GIPC1: variants seen among roughly 807,000 people sequenced by gnomAD.
GIPC1 encodes GIPC PDZ domain containing family member 1, also known as PDZ domain-containing protein GIPC1.
GIPC1 carries 15 observed loss-of-function variants against 28.5 expected under a neutral mutation model. That is an observed-to-expected ratio of 0.53 (90% confidence interval 0.35 to 0.81). The LOEUF (loss-of-function observed/expected upper bound fraction) is 0.81. Among genes scored for constraint, GIPC1 ranks in the 30% least tolerant of loss-of-function variants. The probability of loss-of-function intolerance (pLI) is 0.01; values close to 1 mark genes in which losing one functional copy is unlikely to be tolerated. For missense variants in GIPC1, 439 were observed against 481.9 expected, an observed-to-expected ratio of 0.91 and a Z score of 0.83; for synonymous variants, 224 against 206.1, an observed-to-expected ratio of 1.09 and a Z score of -0.74.
chr19:14,484,040 C>A (rs1385985165), intron 3 of GIPC1, among the ~76,000 whole-genome samples: 1 of 151,740 alleles, frequency 6.6e-6, no homozygotes, highest in African/African-American at 2.4e-5. Flanking sequence ...TCACTCTGTC[C>A]CCTAGGCTGG....
chr19:14,489,305 C>T, intron 3 of GIPC1: 1 of 748,930 alleles, frequency 1.3e-6, no homozygotes, highest in Non-Finnish European at 2.5e-6. Context: ...ACGCCAGGCA[C>T]AAGATGCTGG....
intron 3 of GIPC1, among the ~76,000 whole-genome samples, chr19:14,486,751 A>G (rs991424268): frequency 9.0e-5 from 11 of 121,986 alleles, no homozygotes; most frequent in African/African-American, 3.5e-4. Context: ...TTGCTCTGTC[A>G]CCCAAGCAGC....
chr19:14,484,671 T>C (rs1344770900), intron 3 of GIPC1, among the ~76,000 whole-genome samples: 2 of 151,880 alleles, frequency 1.3e-5, no homozygotes, highest in African/African-American at 4.8e-5. Context: ...GCCTGAAACC[T>C]GGGAGGCGGA....
At position 14,478,471 on chromosome 19, in the gene GIPC1, T is replaced by C. The variant is rs1443382916; in HGVS notation, c.947A>G (p.Glu316Gly). ...GGCGCCCCAGACGTCAAAGACGAAC[T>C]CGTCAGGGAAGGCAAAGTCACCCAG... is the stretch of plus-strand genomic sequence containing the variant. Reference protein sequence around the residue: ...ERLGDFAFPDEFVFDVWGAIG... With the variant: ...ERLGDFAFPDGFVFDVWGAIG... The change falls in exon 9 of 9, where the codon GAG becomes GGG. Residue 316 changes from glutamate to glycine, a missense_variant. By Grantham distance (98) the Glu-to-Gly change is moderately conservative (BLOSUM62 -2). Coordinates refer to ENST00000393033, the MANE Select transcript of GIPC1 (RefSeq NM_005716.4). This position sits in a 1 kb window ranked among gnomAD's most constrained non-coding sequence, Gnocchi z 5.2. The C allele has an allele frequency of 6.2e-7, 1 of 1,613,372 alleles. No homozygotes were observed. Among genetic ancestry groups the C allele is most frequent in the South Asian group, 1.1e-5 (1 of 91,014 alleles).
chr19:14,479,256 G>C (rs573951530), intron 7 of GIPC1, among the ~76,000 whole-genome samples, 156 bp downstream of exon 7: 2 of 152,168 alleles, frequency 1.3e-5, no homozygotes, highest in African/African-American at 4.8e-5. Flanking sequence ...GGAGGCTGAG[G>C]CAGGAGTATC....
intron 3 of GIPC1, among the ~76,000 whole-genome samples, chr19:14,487,021 C>T (rs991765101): frequency 6.6e-5 from 10 of 151,658 alleles, no homozygotes; most frequent in African/African-American, 2.2e-4. Flanking sequence ...ATTCTGTGCA[C>T]CATTTTAGAT....
At chr19:14,482,592 CAGCTTCAGCATCTGA>C in intron 4 of GIPC1, 82 bp downstream of exon 4, 1 of 1,222,272 alleles carries the variant, frequency 8.2e-7, no homozygotes, top group Non-Finnish European at 1.2e-6. Context: ...TCAGCATCTG[CAGCTTCAGCATCTGA>C]GCCCCAGCTC....
chr19:14,480,772 A>T lies in GIPC1; in HGVS notation c.295T>A (p.Phe99Ile). 6.2e-7 allele frequency: 1 copy of T among 1,610,676 alleles called. No homozygotes were observed. Among genetic ancestry groups the T allele is most frequent in the Non-Finnish European group, 8.5e-7 (1 of 1,177,204 alleles). ...ACTTTGTGGGTGTTCAGGGTGCAGA[A>T]CATCACCTGCAGGGGTGGGAGACGC... Reference protein sequence around the residue: ...AFRLPTAEVMFCTLNTHKVDM... With the variant: ...AFRLPTAEVMICTLNTHKVDM... The change falls in exon 5 of 9, where the codon TTC becomes ATC. Residue 99 changes from phenylalanine to isoleucine, a missense_variant. Coordinates refer to ENST00000393033, the MANE Select transcript of GIPC1 (RefSeq NM_005716.4).
chr19:14,495,640 G>A (rs919263105), intron 1 of GIPC1, among the ~76,000 whole-genome samples: 9 of 152,088 alleles, frequency 5.9e-5, no homozygotes, highest in African/African-American at 2.2e-4. Context: ...TATTCAGACC[G>A]TGGTCCTCAC....
chr19:14,485,700 TATAGAGAGAGAGAG>T (rs1204711568), intron 3 of GIPC1, among the ~76,000 whole-genome samples: 13 of 68,822 alleles, frequency 1.9e-4, no homozygotes, highest in Middle Eastern at 7.8e-3. Context: ...TATATATATA[TATAGAGAGAGAGAG>T]AGAGAGAGAG....
At chr19:14,485,182 T>G (rs1409677998) in intron 3 of GIPC1, among the ~76,000 whole-genome samples, 1 of 151,262 alleles carries the variant, frequency 6.6e-6, no homozygotes, top group Non-Finnish European at 1.5e-5. Context: ...TAAAAATAAA[T>G]AAATAAAAGA....
At chr19:14,481,504 C>T (rs1437218774) in intron 4 of GIPC1, among the ~76,000 whole-genome samples, 9 of 152,072 alleles carry the variant, frequency 5.9e-5, no homozygotes, top group East Asian at 5.8e-4. Context: ...GGGCAGAACA[C>T]GAGGTCAGGA....
chr19:14,484,555 C>T (rs141043911), intron 3 of GIPC1, among the ~76,000 whole-genome samples: 2,559 of 150,656 alleles, frequency 0.017, 67 homozygotes, highest in African/African-American at 0.054. Context: ...ACCAGCCTGG[C>T]CAACATAGTG....
At chr19:14,490,398 C>T (rs538828862) in intron 3 of GIPC1, among the ~76,000 whole-genome samples, 2 of 151,452 alleles carry the variant, frequency 1.3e-5, no homozygotes, top group South Asian at 4.2e-4. Flanking sequence ...ATTAGTTAGG[C>T]CAGGAACGGT....
At chr19:14,486,461 G>A (rs1291919973) in intron 3 of GIPC1, among the ~76,000 whole-genome samples, 2 of 152,124 alleles carry the variant, frequency 1.3e-5, no homozygotes, top group African/African-American at 4.8e-5. Context: ...TCTGGGCTGA[G>A]GCATTTAAGT....
chr19:14,487,691 T>TTTTTTTTTTTTTG (rs2071877550), intron 3 of GIPC1, among the ~76,000 whole-genome samples: 1 of 149,442 alleles, frequency 6.7e-6, no homozygotes. Flanking sequence ...TTTCCTTTTT[T>TTTTTTTTTTTTTG]TTTTTGACAG....
chr19:14,479,642 T>C, intron 6 of GIPC1, 118 bp from the exon 7 acceptor site: 1 of 514,688 alleles, frequency 1.9e-6, no homozygotes, highest in Non-Finnish European at 3.4e-6. Context: ...CTTCTGCAAG[T>C]TTCTGGGGGC....
At chr19:14,485,658 AAAATAAAT>A (rs1233846702) in intron 3 of GIPC1, among the ~76,000 whole-genome samples, 3 of 143,806 alleles carry the variant, frequency 2.1e-5, no homozygotes, top group South Asian at 4.3e-4. Context: ...TCCGTCTCAA[AAAATAAAT>A]AAATAAATAA....
chr19:14,484,050 G>A (rs2071786534), intron 3 of GIPC1, among the ~76,000 whole-genome samples: 2 of 151,438 alleles, frequency 1.3e-5, no homozygotes, highest in Admixed American at 1.3e-4. Flanking sequence ...CCCTAGGCTG[G>A]ATTGCAACGG....
Sources: allele counts gnomAD v4.1 joint callset (sites outside exome capture counted in the v4.1 genomes callset), GRCh38; gene constraint gnomAD v4.1.1; non-coding constraint Gnocchi (gnomAD v3.1); transcripts MANE v1.5; gene names NCBI Gene and HGNC (gene_info 2026-07-23, HGNC 2026-07-21).